The following FREM3 variants were observed in gnomAD, a reference collection of about 807,000 sequenced individuals.
The protein encoded by FREM3 is FRAS1-related extracellular matrix protein 3.
Under a neutral mutation model 129.1 loss-of-function variants are expected in FREM3, and 105 were observed. The observed-to-expected ratio is 0.81, with a 90% CI of 0.69 to 0.96. The LOEUF is 0.96. Among genes scored for constraint, FREM3 ranks in the 40% least tolerant of loss-of-function variants. FREM3 has a pLI of 0.00. For synonymous variants in FREM3, 1,014 were observed against 1,044.9 expected (o/e 0.97, Z 0.57); for missense variants, 2,593 against 2,666.3 (o/e 0.97, Z 0.61).
chr4:143,601,542 T>C (rs886429203), intron 6 of FREM3, among the ~76,000 whole-genome samples: 4 of 152,228 alleles, frequency 2.6e-5, no homozygotes, highest in Non-Finnish European at 5.9e-5. Context: ...AAAGTGCTTA[T>C]ATATAGAACA....
chr4:143,658,115 C>T (rs1739633558), intron 2 of FREM3, among the ~76,000 whole-genome samples: 1 of 152,210 alleles, frequency 6.6e-6, no homozygotes, highest in African/African-American at 2.4e-5. Context: ...CTTCATAGTG[C>T]AAACAAAGTT....
rs1738758360 is a variant in FREM3, at chr4:143,611,699, A to G, written c.5780-172T>C. Reference sequence around the variant, plus strand: ...TGTAAGAAGAAGGCTTTTGGAATAGACTCTGGTATTTTGACATGATCTAGA... The same window carrying G: ...TGTAAGAAGAAGGCTTTTGGAATAGGCTCTGGTATTTTGACATGATCTAGA... On this transcript the variant is annotated intron_variant, in intron 5 of 7. Transcript: ENST00000329798. 2.0e-5 allele frequency among the ~76,000 whole-genome samples: 3 copies of G among 152,184 alleles called. No individual in the cohort carries two copies. In the South Asian group the frequency reaches 6.2e-4, roughly 31 times the overall value.
At chr4:143,678,820 G>T (rs956201435) in intron 2 of FREM3, among the ~76,000 whole-genome samples, 11 of 152,058 alleles carry the variant, frequency 7.2e-5, no homozygotes, top group African/African-American at 2.7e-4. Flanking sequence ...AAAGAATAAG[G>T]CAGCTTAGGT....
intron 2 of FREM3, among the ~76,000 whole-genome samples, chr4:143,678,350 T>G (rs543548771): frequency 6.6e-6 from 1 of 151,890 alleles, no homozygotes; most frequent in African/African-American, 2.4e-5. Flanking sequence ...ATGAGAACAC[T>G]TGGACACAGG....
At chr4:143,649,882 T>C (rs554965544) in intron 2 of FREM3, among the ~76,000 whole-genome samples, 1 of 152,308 alleles carries the variant, frequency 6.6e-6, no homozygotes, top group East Asian at 1.9e-4. Context: ...ACCCTTTGCA[T>C]AAAATTTAAG....
Position 143,693,213 on chromosome 4 carries a change from A to G in FREM3, c.5186-11T>C. ...TCTCATCAATGTCAGCTAAAAAAAAAGCAACCATCACACAAAGTCATATTG... is the reference window on the plus strand; with the variant it reads ...TCTCATCAATGTCAGCTAAAAAAAAGGCAACCATCACACAAAGTCATATTG... On this transcript the variant is annotated splice_polypyrimidine_tract_variant and intron_variant, in intron 1 of 7. Coordinates refer to ENST00000329798, the MANE Select transcript of FREM3 (RefSeq NM_001168235.2). 1.4e-6 allele frequency: 2 copies of G among 1,431,502 alleles called. No individual in the cohort carries two copies. Among genetic ancestry groups the G allele is most frequent in the Non-Finnish European group, 1.9e-6 (2 of 1,069,984 alleles). The allele number at this position is 1,431,502 out of a possible 1,614,324, so 88.7% of individuals were successfully genotyped here. A position where few individuals can be genotyped will look rare whatever the true frequency, so the allele number is the denominator to read the frequency against.
At chr4:143,600,422 A>G (rs1738552337) in intron 6 of FREM3, among the ~76,000 whole-genome samples, 1 of 152,120 alleles carries the variant, frequency 6.6e-6, no homozygotes, top group Non-Finnish European at 1.5e-5. Context: ...AATCACCTCT[A>G]AAGAACTTAT....
rs75882012 is a variant in FREM3, at chr4:143,610,778, T to C, written c.6028+501A>G. The stretch of plus-strand genomic sequence containing the variant: ...TTAGGAATGAGGCGCCCCTCTCTTC[T>C]CTGGCTAAATTTCAGCTGGGCTCCC... On this transcript the variant is annotated intron_variant, in intron 6 of 7. Coordinates refer to ENST00000329798, the MANE Select transcript of FREM3 (RefSeq NM_001168235.2). Among the ~76,000 whole-genome samples, 1,238 of 152,294 alleles carry C rather than the reference T, an allele frequency of 8.1e-3. 22 individuals are homozygous for C. Among genetic ancestry groups the C allele is most frequent in the African/African-American group, 0.029 (1,187 of 41,560 alleles).
chr4:143,667,114 G>C (rs1739876882), intron 2 of FREM3, among the ~76,000 whole-genome samples: 1 of 152,010 alleles, frequency 6.6e-6, no homozygotes, highest in South Asian at 2.1e-4. Context: ...ATTTCTAATA[G>C]TTGCGAAGTC....
chr4:143,583,569 G>A (rs979080457), intron 7 of FREM3, among the ~76,000 whole-genome samples: 8 of 151,628 alleles, frequency 5.3e-5, no homozygotes, highest in East Asian at 1.9e-4. Flanking sequence ...AGAAGAGAAA[G>A]GCAGCAAAGA....
At chr4:143,656,964 A>G (rs756314790) in intron 2 of FREM3, among the ~76,000 whole-genome samples, 1 of 152,234 alleles carries the variant, frequency 6.6e-6, no homozygotes, top group Non-Finnish European at 1.5e-5. Context: ...ACAACATAGA[A>G]CATAAAATAA....
At chr4:143,623,508 A>G (rs1267112164) in intron 4 of FREM3, among the ~76,000 whole-genome samples, 4 of 19,990 alleles carry the variant, frequency 2.0e-4, no homozygotes, top group Middle Eastern at 0.033. Flanking sequence ...CCCCCCCCCC[A>G]CCATTTAGGG....
At chr4:143,641,398 TA>T (rs1280105024) in intron 2 of FREM3, among the ~76,000 whole-genome samples, 1 of 152,140 alleles carries the variant, frequency 6.6e-6, no homozygotes, top group African/African-American at 2.4e-5. Context: ...GTGTATTCAC[TA>T]ACAATTGTGA....
intron 2 of FREM3, among the ~76,000 whole-genome samples, chr4:143,662,275 T>A (rs1739745971): frequency 6.6e-6 from 1 of 152,196 alleles, no homozygotes; most frequent in African/African-American, 2.4e-5. Flanking sequence ...TCCCAGAGAT[T>A]CTGGTATGTT....
chr4:143,653,271 T>C (rs1389275872), intron 2 of FREM3, among the ~76,000 whole-genome samples: 1 of 152,184 alleles, frequency 6.6e-6, no homozygotes, highest in Non-Finnish European at 1.5e-5. Context: ...TGGACTGCAT[T>C]CTCATCTGGG....
intron 5 of FREM3, 24 bp downstream of exon 5, chr4:143,621,013 A>G: frequency 6.5e-7 from 1 of 1,536,318 alleles, no homozygotes; most frequent in Admixed American, 2.0e-5. Context: ...ATTCCTATGA[A>G]CAGGACCCCA....
intron 2 of FREM3, among the ~76,000 whole-genome samples, chr4:143,647,196 A>T (rs1342544517): frequency 6.6e-6 from 1 of 152,140 alleles, no homozygotes; most frequent in East Asian, 1.9e-4. Flanking sequence ...TGCCCTAGAG[A>T]TCTGTGGAAC....
intron 2 of FREM3, among the ~76,000 whole-genome samples, chr4:143,639,739 G>T (rs1478222096): frequency 6.6e-6 from 1 of 152,144 alleles, no homozygotes; most frequent in Non-Finnish European, 1.5e-5. Flanking sequence ...ATCTAGAGGT[G>T]TAATCTTAAC....
At chr4:143,661,732 G>C (rs1455804707) in intron 2 of FREM3, among the ~76,000 whole-genome samples, 2 of 152,150 alleles carry the variant, frequency 1.3e-5, no homozygotes, top group Non-Finnish European at 2.9e-5. Flanking sequence ...AGTCTTTTTG[G>C]TTGGTAAGCT....
Sources: gnomAD v4.1 joint callset for allele counts (sites outside exome capture counted in the v4.1 genomes callset) on GRCh38, gnomAD v4.1.1 for gene constraint, MANE v1.5 for transcripts, NCBI Gene and HGNC (gene_info 2026-07-23, HGNC 2026-07-21) for gene names.